The following CSMD1 variants were observed in gnomAD, a reference collection of about 807,000 sequenced individuals.
The protein encoded by CSMD1 is CUB and sushi domain-containing protein 1.
CSMD1 carries 213 observed loss-of-function variants against 417.5 expected under a neutral mutation model. The ratio of observed to expected loss-of-function variants is 0.51; its 90% confidence interval spans 0.46 to 0.57. The LOEUF (loss-of-function observed/expected upper bound fraction) is 0.57, where lower values mean the gene tolerates loss of function less well. CSMD1 is among the 20% of genes least tolerant of loss of function. The pLI is 0.00. For missense variants in CSMD1, 6,923 were observed against 4,529.7 expected, an observed-to-expected ratio of 1.53 and a Z score of -15.17; for synonymous variants, 2,862 against 1,736.8, an observed-to-expected ratio of 1.65 and a Z score of -16.11.
chr8:3,393,079 C>G (rs1811443017), intron 17 of CSMD1, among the ~76,000 whole-genome samples: 1 of 152,162 alleles, frequency 6.6e-6, no homozygotes, highest in Non-Finnish European at 1.5e-5. Context: ...GCGACTGATA[C>G]ATAAATAAGA....
intron 10 of CSMD1, among the ~76,000 whole-genome samples, chr8:3,523,141 G>A (rs562007463): frequency 2.0e-5 from 3 of 151,842 alleles, no homozygotes; most frequent in African/African-American, 7.3e-5. Context: ...GTAGAAAATT[G>A]TCCTCCTTGG....
intron 1 of CSMD1, among the ~76,000 whole-genome samples, chr8:4,846,365 T>A (rs1170502257): frequency 6.6e-6 from 1 of 152,210 alleles, no homozygotes; most frequent in African/African-American, 2.4e-5. Flanking sequence ...GTTTCCTTGC[T>A]TGGAGGGCTG....
At chr8:4,826,212 T>C (rs988448537) in intron 1 of CSMD1, among the ~76,000 whole-genome samples, 4 of 152,026 alleles carry the variant, frequency 2.6e-5, no homozygotes, top group East Asian at 1.9e-4. Context: ...TTATTCACAA[T>C]TGTCAAGACA....
At chr8:4,543,750 C>T (rs1222633995) in intron 2 of CSMD1, among the ~76,000 whole-genome samples, 14 of 150,510 alleles carry the variant, frequency 9.3e-5, no homozygotes, top group African/African-American at 2.7e-4. Context: ...GCATTCCCAC[C>T]GCTAATGACT....
rs368206061 is a variant in CSMD1 at position 4,094,516 on chromosome 8, T to C, written c.416-62417A>G. On this transcript the variant is annotated intron_variant, in intron 3 of 69. Coordinates refer to ENST00000635120, the MANE Select transcript of CSMD1 (RefSeq NM_033225.6). Reference sequence around the variant, plus strand: ...AGCAACCACGCAGGGTGGAGGAATCTAACTTTCAGATTAAATAGCTTCAGT... The same window carrying C: ...AGCAACCACGCAGGGTGGAGGAATCCAACTTTCAGATTAAATAGCTTCAGT... 7.9e-5 allele frequency among the ~76,000 whole-genome samples: 12 copies of C among 152,296 alleles called. No homozygotes were observed. The South Asian group carries it at 2.3e-3, about 29-fold the overall frequency.
chr8:4,292,256 G>A (rs1048103104), intron 3 of CSMD1, among the ~76,000 whole-genome samples: 8 of 151,992 alleles, frequency 5.3e-5, no homozygotes, highest in Non-Finnish European at 1.2e-4. Context: ...TGTTGTTGTT[G>A]TTTAGTTTTG....
chr8:4,600,336 T>C (rs1033819261), intron 2 of CSMD1, among the ~76,000 whole-genome samples: 4 of 152,220 alleles, frequency 2.6e-5, no homozygotes, highest in African/African-American at 9.7e-5. Context: ...GGAAAGTTAG[T>C]CATAGCTATA....
intron 5 of CSMD1, among the ~76,000 whole-genome samples, chr8:3,851,109 A>T (rs2954229): frequency 0.15 from 22,879 of 152,272 alleles, 1,955 homozygotes; most frequent in East Asian, 0.4. Context: ...ATCATTAAAG[A>T]TGAATTGTTT....
intron 5 of CSMD1, among the ~76,000 whole-genome samples, chr8:3,853,094 C>T (rs1403052990): frequency 3.3e-5 from 5 of 152,174 alleles, no homozygotes; most frequent in African/African-American, 9.6e-5. Context: ...CCACCCTGAC[C>T]TCATCATTCT....
At chr8:4,446,980 A>T (rs1244320697) in intron 2 of CSMD1, among the ~76,000 whole-genome samples, 5 of 151,570 alleles carry the variant, frequency 3.3e-5, no homozygotes, top group African/African-American at 1.2e-4. Flanking sequence ...GCAGGAGATG[A>T]CTGGGTGGAG....
chr8:4,468,726 G>C (rs1410871043), intron 2 of CSMD1, among the ~76,000 whole-genome samples: 1 of 152,272 alleles, frequency 6.6e-6, no homozygotes, highest in Non-Finnish European at 1.5e-5. Flanking sequence ...ACATTGCTTA[G>C]GGAGAGCCTA....
chr8:4,697,802 T>A (rs1807237410), intron 1 of CSMD1, among the ~76,000 whole-genome samples: 1 of 152,228 alleles, frequency 6.6e-6, no homozygotes, highest in African/African-American at 2.4e-5. Flanking sequence ...CACATTCTCA[T>A]TCTGTAAGCC....
chr8:3,191,916 G>A (rs17079566), intron 33 of CSMD1, among the ~76,000 whole-genome samples: 22,464 of 152,050 alleles, frequency 0.15, 1,838 homozygotes, highest in South Asian at 0.2. Context: ...CAGTCCTTTA[G>A]CAGAATGTTC....
chr8:4,592,004 G>A lies in CSMD1; in HGVS notation c.302+45338C>T, dbSNP rs1006624448. On this transcript the variant is annotated intron_variant, in intron 2 of 69. Coordinates refer to ENST00000635120, the MANE Select transcript of CSMD1 (RefSeq NM_033225.6). ...AAAGGCAAAACAGGCTGCAGGTCAT[G>A]CAATGCGGCCAGGATGGGACCAGTG... 4.6e-5 allele frequency among the ~76,000 whole-genome samples: 7 copies of A among 152,146 alleles called. No homozygotes were observed. In the South Asian group the frequency reaches 1.0e-3, roughly 23 times the overall value.
intron 23 of CSMD1, among the ~76,000 whole-genome samples, chr8:3,315,144 A>T (rs921292928): frequency 6.6e-6 from 1 of 152,230 alleles, no homozygotes; most frequent in African/African-American, 2.4e-5. Flanking sequence ...AAATCTCTTT[A>T]AGAATGACTC....
intron 3 of CSMD1, among the ~76,000 whole-genome samples, chr8:4,227,469 TTC>T (rs1801429459): frequency 6.6e-6 from 1 of 152,078 alleles, no homozygotes; most frequent in Non-Finnish European, 1.5e-5. Context: ...CAAGAAAAGT[TTC>T]TGAGGAGTCC....
intron 3 of CSMD1, among the ~76,000 whole-genome samples, chr8:4,034,381 G>A (rs565062571): frequency 2.0e-5 from 3 of 152,298 alleles, no homozygotes; most frequent in African/African-American, 7.2e-5. Context: ...GCAGTCTACA[G>A]AAATCTGTTT....
chr8:4,159,487 G>A (rs959754723), intron 3 of CSMD1, among the ~76,000 whole-genome samples: 1 of 152,132 alleles, frequency 6.6e-6, no homozygotes, highest in East Asian at 1.9e-4. Context: ...ATCAATCAAC[G>A]AGTGGATAAA....
At chr8:3,552,700 A>G (rs1798970580) in intron 10 of CSMD1, among the ~76,000 whole-genome samples, 1 of 152,194 alleles carries the variant, frequency 6.6e-6, no homozygotes, top group African/African-American at 2.4e-5. Context: ...TTGGGTCTGA[A>G]GTTTTAGACT....
Sources: allele counts gnomAD v4.1 joint callset (sites outside exome capture counted in the v4.1 genomes callset), GRCh38; gene constraint gnomAD v4.1.1; transcripts MANE v1.5; gene names NCBI Gene and HGNC (gene_info 2026-07-23, HGNC 2026-07-21).